SCAMP1: variants seen among roughly 807,000 people sequenced by gnomAD.
The protein encoded by SCAMP1 is secretory carrier membrane protein 1.
A neutral mutation model predicts 41.8 loss-of-function variants in SCAMP1; 15 were observed. The ratio of observed to expected loss-of-function variants is 0.36; its 90% CI spans 0.24 to 0.55. The LOEUF (loss-of-function observed/expected upper bound fraction) is 0.55, where lower values mean the gene tolerates loss of function less well. Ranked by LOEUF, SCAMP1 falls within the 20% of genes least tolerant of loss-of-function variation. The probability of loss-of-function intolerance (pLI) is 0.86; values close to 1 mark genes in which losing one functional copy is unlikely to be tolerated. For synonymous variants in SCAMP1, 135 were observed against 136.8 expected (o/e 0.99, Z 0.09); for missense variants, 341 against 412.6 (o/e 0.83, Z 1.50).
chr5:78,389,324 A>T (rs1309959012), intron 2 of SCAMP1, among the ~76,000 whole-genome samples: 1 of 152,210 alleles, frequency 6.6e-6, no homozygotes, highest in East Asian at 1.9e-4. Context: ...CATTTGAATT[A>T]GATTATTCTG....
intron 6 of SCAMP1, among the ~76,000 whole-genome samples, chr5:78,442,564 T>C (rs1561278439): frequency 6.6e-6 from 1 of 152,194 alleles, no homozygotes; most frequent in Admixed American, 6.5e-5. Context: ...CGGCTGAGTT[T>C]TGTTTTATAA....
intron 6 of SCAMP1, among the ~76,000 whole-genome samples, chr5:78,425,246 A>G (rs1752440926): frequency 6.6e-6 from 1 of 152,178 alleles, no homozygotes; most frequent in African/African-American, 2.4e-5. Flanking sequence ...GATGTATTTA[A>G]TGCATACCAA....
rs6872819 is a variant in SCAMP1 at position 78,415,732 on chromosome 5, C to T, written c.234+114C>T. The T allele has an allele frequency of 0.011, 7,810 of 683,854 alleles. 448 individuals carry two copies. In the African/African-American group the frequency reaches 0.12, roughly 10 times the overall value. 42.4% of individuals were successfully genotyped at this position (683,854 alleles called of 1,614,324 possible). A position where few individuals can be genotyped will look rare whatever the true frequency, so the allele number is the denominator to read the frequency against. ...TACATTTCTGTTGCTTAATTTTTAA[C>T]TCACTTTCAAGTCTGGATTTGCTGT... On this transcript the variant is annotated intron_variant, in intron 3 of 8. Transcript: ENST00000621999.
intron 7 of SCAMP1, chr5:78,458,014 A>C (rs1255134449): frequency 2.0e-5 from 3 of 152,804 alleles, no homozygotes; most frequent in Non-Finnish European, 4.4e-5. Flanking sequence ...GCGCTTCCCA[A>C]GTGAGGCAAT....
chr5:78,475,671 A>G lies in SCAMP1; in HGVS notation c.*3A>G, dbSNP rs1409875158. The G allele has an allele frequency of 6.6e-7, 1 of 1,525,832 alleles. No homozygotes were observed. Among genetic ancestry groups the G allele is most frequent in the Non-Finnish European group, 8.8e-7 (1 of 1,137,898 alleles). 94.5% of individuals were successfully genotyped at this position (1,525,832 alleles called of 1,614,324 possible). On this transcript the variant is annotated 3_prime_UTR_variant, in exon 9 of 9. Coordinates refer to ENST00000621999, the MANE Select transcript of SCAMP1 (RefSeq NM_004866.6). ...CTTTCAAGGGTAACCAGATTTAAGA[A>G]TCTTCAAACAATACACTGTTACCTT...
intron 2 of SCAMP1, among the ~76,000 whole-genome samples, chr5:78,404,169 G>T (rs1751872413): frequency 6.7e-6 from 1 of 149,472 alleles, no homozygotes; most frequent in Admixed American, 6.7e-5. Context: ...GTATGCTCAT[G>T]CTTGCTTTAT....
At chr5:78,447,396 A>AT (rs1274345677) in intron 6 of SCAMP1, among the ~76,000 whole-genome samples, 1 of 152,212 alleles carries the variant, frequency 6.6e-6, no homozygotes, top group African/African-American at 2.4e-5. Context: ...AATATTGACA[A>AT]AAAGGTAGAC....
At chr5:78,438,645 A>G (rs1045593907) in intron 6 of SCAMP1, among the ~76,000 whole-genome samples, 3 of 152,148 alleles carry the variant, frequency 2.0e-5, no homozygotes, top group African/African-American at 4.8e-5. Context: ...TCTGTGGTCA[A>G]TTTTAGAATA....
chr5:78,409,024 T>C (rs4143069), intron 2 of SCAMP1, among the ~76,000 whole-genome samples: 65,471 of 151,992 alleles, frequency 0.43, 14,927 homozygotes, highest in Non-Finnish European at 0.49. Context: ...TGAAATTGCT[T>C]TTTTCTTACT....
At chr5:78,408,082 G>T (rs548412327) in intron 2 of SCAMP1, among the ~76,000 whole-genome samples, 1 of 152,130 alleles carries the variant, frequency 6.6e-6, no homozygotes, top group Non-Finnish European at 1.5e-5. Context: ...TGGTGTATTA[G>T]TCAGTTCTCA....
intron 6 of SCAMP1, among the ~76,000 whole-genome samples, chr5:78,447,992 C>CCT: frequency 2.9e-5 from 1 of 34,898 alleles, no homozygotes; most frequent in South Asian, 1.3e-3. Context: ...CCGTCCTCTC[C>CCT]TCCTCCCTCC....
At chr5:78,436,734 C>A (rs933053374) in intron 6 of SCAMP1, among the ~76,000 whole-genome samples, 1 of 151,944 alleles carries the variant, frequency 6.6e-6, no homozygotes, top group Non-Finnish European at 1.5e-5. Context: ...ATGAACTTTA[C>A]CGTAGTTTTT....
At chr5:78,448,405 A>G (rs1753124717) in intron 6 of SCAMP1, among the ~76,000 whole-genome samples, 1 of 151,700 alleles carries the variant, frequency 6.6e-6, no homozygotes, top group Non-Finnish European at 1.5e-5. Context: ...ATATATCTGA[A>G]AGAGGACTTG....
At chr5:78,396,928 G>A (rs1751665898) in intron 2 of SCAMP1, among the ~76,000 whole-genome samples, 1 of 152,148 alleles carries the variant, frequency 6.6e-6, no homozygotes, top group Admixed American at 6.6e-5. Flanking sequence ...TGAGTGTTGG[G>A]AGCAAATGCC....
rs573821078 is a variant in SCAMP1, at chr5:78,450,181, C to T, written c.734+147C>T. 34 of 563,220 alleles carry T rather than the reference C, an allele frequency of 6.0e-5. No individual in the cohort carries two copies. The South Asian group carries it at 8.3e-4, about 14-fold the overall frequency. 34.9% of individuals were successfully genotyped at this position (563,220 alleles called of 1,614,324 possible). On this transcript the variant is annotated intron_variant, in intron 7 of 8. Coordinates refer to ENST00000621999, the MANE Select transcript of SCAMP1 (RefSeq NM_004866.6). ...TTTTAAAAATACAATTTTAAAATGT[C>T]ATAAGGCATAAACTTTGGACAAACC... is the stretch of plus-strand genomic sequence containing the variant.
At chr5:78,465,241 C>A (rs1267705478) in intron 8 of SCAMP1, among the ~76,000 whole-genome samples, 3 of 151,486 alleles carry the variant, frequency 2.0e-5, no homozygotes, top group African/African-American at 7.3e-5. Flanking sequence ...CTGTTAAGCA[C>A]CCCCCGCGTG....
In SCAMP1 at chr5:78,471,250, A is replaced by C. The variant is rs116480637; in HGVS notation, c.853-4254A>C. Reference sequence around the variant, plus strand: ...AAAGCCATAGCTAGTTCAGGCACAAAATGGCAGACAGAGCATTATTTGAGA... The same window carrying C: ...AAAGCCATAGCTAGTTCAGGCACAACATGGCAGACAGAGCATTATTTGAGA... On this transcript the variant is annotated intron_variant, in intron 8 of 8. Coordinates refer to ENST00000621999, the MANE Select transcript of SCAMP1 (RefSeq NM_004866.6). 5.9e-3 allele frequency among the ~76,000 whole-genome samples: 905 copies of C among 152,260 alleles called. 9 individuals carry two copies. Among genetic ancestry groups the C allele is most frequent in the African/African-American group, 0.021 (865 of 41,548 alleles).
intron 2 of SCAMP1, among the ~76,000 whole-genome samples, chr5:78,393,267 C>G (rs1357286121): frequency 6.6e-6 from 1 of 152,144 alleles, no homozygotes; most frequent in African/African-American, 2.4e-5. Context: ...GCCCCAAACT[C>G]CTGAGCTCAA....
intron 7 of SCAMP1, among the ~76,000 whole-genome samples, chr5:78,458,740 C>T (rs970592118): frequency 9.9e-5 from 15 of 152,040 alleles, no homozygotes; most frequent in South Asian, 6.2e-4. Context: ...AGTAGCCAGG[C>T]GTGGTGGCAC....
Sources: allele counts gnomAD v4.1 joint callset (sites outside exome capture counted in the v4.1 genomes callset), GRCh38; gene constraint gnomAD v4.1.1; transcripts MANE v1.5; gene names NCBI Gene and HGNC (gene_info 2026-07-23, HGNC 2026-07-21).